Variants in SLC39A8 observed in about 807,000 individuals in gnomAD.
The protein encoded by SLC39A8 is metal cation symporter ZIP8.
A neutral mutation model predicts 40.4 loss-of-function variants in SLC39A8; 15 were observed. The ratio of observed to expected loss-of-function variants is 0.37; its 90% confidence interval spans 0.25 to 0.57. SLC39A8 has a LOEUF of 0.57. Ranked by LOEUF, SLC39A8 falls within the 20% of genes least tolerant of loss-of-function variation. The probability of loss-of-function intolerance (pLI) is 0.75; values close to 1 mark genes in which losing one functional copy is unlikely to be tolerated. For synonymous variants in SLC39A8, 223 were observed against 221.6 expected, an observed-to-expected ratio of 1.01 and a Z score of -0.06; for missense variants, 472 against 558.8, an observed-to-expected ratio of 0.84 and a Z score of 1.57.
At chr4:102,263,722 G>A (rs1409569852) in intron 8 of SLC39A8, among the ~76,000 whole-genome samples, 1 of 152,150 alleles carries the variant, frequency 6.6e-6, no homozygotes, top group Non-Finnish European at 1.5e-5. Flanking sequence ...CCAAAGTGGA[G>A]GCAATCCTCT....
Position 102,281,383 on chromosome 4 carries a change from A to C in SLC39A8, c.841-13304T>G, listed in dbSNP as rs72924845. 3.1e-3 allele frequency among the ~76,000 whole-genome samples: 471 copies of C among 152,340 alleles called. 3 individuals are homozygous for C. Among genetic ancestry groups the C allele is most frequent in the African/African-American group, 0.011 (453 of 41,576 alleles). On this transcript the variant is annotated intron_variant, in intron 6 of 8. Transcript: ENST00000356736. ...CGTGGAGAAACCAACCCCGTGCAGC[A>C]GCTGCCTGTCATGTCTTAACATTTG...
exon 12 of SLC39A8, chr4:102,253,140 ACTC>A (rs1731628845): frequency 3.5e-6 from 1 of 283,260 alleles, no homozygotes; most frequent in Admixed American, 6.3e-5. Context: ...GGGGATTAGA[ACTC>A]AAACATGTCG....
chr4:102,301,120 A>C (rs1023897478), intron 6 of SLC39A8, among the ~76,000 whole-genome samples: 1 of 151,946 alleles, frequency 6.6e-6, no homozygotes, highest in Non-Finnish European at 1.5e-5. Context: ...TATTCCTGGA[A>C]GTGTATTTCC....
chr4:102,340,139 C>A (rs1375379964), intron 2 of SLC39A8, among the ~76,000 whole-genome samples: 6 of 152,038 alleles, frequency 3.9e-5, no homozygotes, highest in Non-Finnish European at 8.8e-5. Context: ...CATCTTAAAC[C>A]ATCTTCACCC....
At chr4:102,323,348 A>C (rs1735042532) in intron 2 of SLC39A8, among the ~76,000 whole-genome samples, 1 of 152,226 alleles carries the variant, frequency 6.6e-6, no homozygotes, top group African/African-American at 2.4e-5. Context: ...GATACATATA[A>C]AACAGATAAG....
chr4:102,320,305 T>G (rs1302000418), intron 2 of SLC39A8, among the ~76,000 whole-genome samples: 1 of 112,824 alleles, frequency 8.9e-6, no homozygotes, highest in East Asian at 2.2e-4. Flanking sequence ...AGAATATATA[T>G]ATGAGTATAT....
chr4:102,337,312 T>C, intron 2 of SLC39A8, among the ~76,000 whole-genome samples: 1 of 149,982 alleles, frequency 6.7e-6, no homozygotes, highest in East Asian at 1.9e-4. Flanking sequence ...TGAAAAGTAA[T>C]AGGTTTTTAT....
chr4:102,256,630 C>A lies in SLC39A8; in HGVS notation c.*298+2825G>T, dbSNP rs572450978. Reference sequence around the variant, plus strand: ...ACCCTAAAATGTTTAATGATAATGGCTTATCATCTTTCATCCCCATAAATT... The same window carrying A: ...ACCCTAAAATGTTTAATGATAATGGATTATCATCTTTCATCCCCATAAATT... On this transcript the variant is annotated intron_variant and NMD_transcript_variant, in intron 11 of 11. Coordinates refer to the SLC39A8 transcript ENST00000424970. Among the ~76,000 whole-genome samples the A allele has an allele frequency of 7.2e-5, 11 of 152,290 alleles. No homozygotes were observed. The South Asian group carries it at 2.3e-3, about 32-fold the overall frequency.
At chr4:102,271,432 C>A (rs919763943) in intron 6 of SLC39A8, among the ~76,000 whole-genome samples, 6 of 152,128 alleles carry the variant, frequency 3.9e-5, no homozygotes, top group Admixed American at 2.6e-4. Context: ...TTAATGGACC[C>A]ACATATAAAG....
At chr4:102,325,818 C>A (rs1735172846) in intron 2 of SLC39A8, among the ~76,000 whole-genome samples, 1 of 152,100 alleles carries the variant, frequency 6.6e-6, no homozygotes, top group Non-Finnish European at 1.5e-5. Context: ...AAAAGGCAGG[C>A]TGGAATTCTT....
intron 6 of SLC39A8, among the ~76,000 whole-genome samples, chr4:102,293,975 C>A (rs917106289): frequency 6.6e-6 from 1 of 151,004 alleles, no homozygotes. Flanking sequence ...TTAATACATA[C>A]AAACTTGATA....
chr4:102,312,765 T>C (rs1344585568), intron 3 of SLC39A8, among the ~76,000 whole-genome samples: 2 of 152,076 alleles, frequency 1.3e-5, no homozygotes, highest in Non-Finnish European at 2.9e-5. Context: ...CATTTAATCT[T>C]TACAGCAAGC....
intron 3 of SLC39A8, among the ~76,000 whole-genome samples, chr4:102,313,374 T>C (rs1734527568): frequency 6.6e-6 from 1 of 152,186 alleles, no homozygotes; most frequent in African/African-American, 2.4e-5. Flanking sequence ...TGTCATATAG[T>C]AAGTACCACA....
At chr4:102,332,052 C>T (rs978684038) in intron 2 of SLC39A8, among the ~76,000 whole-genome samples, 1 of 152,114 alleles carries the variant, frequency 6.6e-6, no homozygotes, top group East Asian at 1.9e-4. Flanking sequence ...AGACCTAAAA[C>T]CATAAAAACC....
chr4:102,257,821 C>T, downstream of SLC39A8, among the ~76,000 whole-genome samples: 1 of 152,230 alleles, frequency 6.6e-6, no homozygotes, highest in East Asian at 1.9e-4. Context: ...AATACATGCT[C>T]TGTCATAATG....
chr4:102,297,459 T>C (rs1733725828), intron 6 of SLC39A8, among the ~76,000 whole-genome samples: 1 of 152,142 alleles, frequency 6.6e-6, no homozygotes, highest in African/African-American at 2.4e-5. Context: ...CTAACATATA[T>C]AGTCTTATTT....
At chr4:102,310,102 C>T (rs1734361808) in intron 3 of SLC39A8, among the ~76,000 whole-genome samples, 1 of 151,992 alleles carries the variant, frequency 6.6e-6, no homozygotes, top group Non-Finnish European at 1.5e-5. Flanking sequence ...GTGTTATTTA[C>T]CCCCTTCTCA....
intron 6 of SLC39A8, among the ~76,000 whole-genome samples, chr4:102,294,070 C>A (rs1256348913): frequency 1.3e-5 from 2 of 151,350 alleles, no homozygotes; most frequent in Non-Finnish European, 3.0e-5. Flanking sequence ...TCCTCATATA[C>A]AAAAATAAAT....
chr4:102,275,509 A>C (rs1001801521), intron 6 of SLC39A8, among the ~76,000 whole-genome samples: 5 of 152,168 alleles, frequency 3.3e-5, no homozygotes, highest in African/African-American at 9.7e-5. Flanking sequence ...CTATAAAGAG[A>C]CTTAGACTCC....
Sources: gnomAD v4.1 joint callset for allele counts (sites outside exome capture counted in the v4.1 genomes callset) on GRCh38, gnomAD v4.1.1 for gene constraint, MANE v1.5 for transcripts, NCBI Gene and HGNC (gene_info 2026-07-23, HGNC 2026-07-21) for gene names.